SORCS2: variants seen among roughly 807,000 people sequenced by gnomAD.
SORCS2 encodes the protein VPS10 domain-containing receptor SorCS2.
SORCS2 carries 100 observed loss-of-function variants against 141.6 expected under a neutral mutation model. The observed-to-expected ratio is 0.71, with a 90% CI of 0.60 to 0.83. SORCS2 has a LOEUF of 0.83. SORCS2 is among the 40% of genes least tolerant of loss of function. The probability of loss-of-function intolerance (pLI) is 0.00; values close to 1 mark genes in which losing one functional copy is unlikely to be tolerated. For missense variants in SORCS2, 1,646 were observed against 1,560.2 expected (o/e 1.05, Z -0.93); for synonymous variants, 789 against 676.9 (o/e 1.17, Z -2.57).
chr4:7,590,862 GGTT>G (rs1716870993), intron 3 of SORCS2, among the ~76,000 whole-genome samples: 2 of 152,226 alleles, frequency 1.3e-5, no homozygotes, highest in African/African-American at 4.8e-5. Flanking sequence ...AGACCACTGA[GGTT>G]GTGGTTATTT....
At chr4:7,616,488 C>G (rs978261491) in intron 3 of SORCS2, among the ~76,000 whole-genome samples, 1 of 152,126 alleles carries the variant, frequency 6.6e-6, no homozygotes, top group Non-Finnish European at 1.5e-5. Context: ...CCTGAGCTAC[C>G]CTTCATCCAA....
chr4:7,464,484 C>G (rs900562275), intron 2 of SORCS2, among the ~76,000 whole-genome samples: 1 of 152,132 alleles, frequency 6.6e-6, no homozygotes, highest in African/African-American at 2.4e-5. Context: ...GCCTGGAATG[C>G]CACACTAACT....
At chr4:7,523,964 C>G (rs1013580608) in intron 2 of SORCS2, among the ~76,000 whole-genome samples, 2 of 152,236 alleles carry the variant, frequency 1.3e-5, no homozygotes, top group Non-Finnish European at 2.9e-5. Flanking sequence ...AGCTGCCTGT[C>G]TCCATTTCTT....
intron 2 of SORCS2, among the ~76,000 whole-genome samples, chr4:7,462,677 G>T (rs543206436): frequency 1.3e-5 from 2 of 151,832 alleles, no homozygotes; most frequent in Non-Finnish European, 2.9e-5. Context: ...GGCGACCTCA[G>T]TCCCTGGCTC....
chr4:7,666,057 G>A (rs1249632485), intron 7 of SORCS2, among the ~76,000 whole-genome samples: 28 of 152,124 alleles, frequency 1.8e-4, no homozygotes, highest in Non-Finnish European at 5.9e-5. Context: ...AGGGATGTGA[G>A]GAGGTGAGGT....
intron 1 of SORCS2, among the ~76,000 whole-genome samples, chr4:7,344,452 C>T (rs1720537225): frequency 1.3e-5 from 2 of 152,274 alleles, no homozygotes. Context: ...AGTCTATGTG[C>T]TGTTACCTTG....
At chr4:7,437,574 G>T (rs1577563106) in intron 2 of SORCS2, among the ~76,000 whole-genome samples, 1 of 152,136 alleles carries the variant, frequency 6.6e-6, no homozygotes, top group Non-Finnish European at 1.5e-5. Flanking sequence ...GCCATCTAGG[G>T]ACCCCACTGT....
intron 1 of SORCS2, among the ~76,000 whole-genome samples, chr4:7,285,503 C>T (rs1716155736): frequency 6.6e-6 from 1 of 152,254 alleles, no homozygotes; most frequent in African/African-American, 2.4e-5. Context: ...GCACGGAGCG[C>T]CTGGCTGCAG....
At chr4:7,343,108 G>A (rs938764785) in intron 1 of SORCS2, among the ~76,000 whole-genome samples, 1 of 152,178 alleles carries the variant, frequency 6.6e-6, no homozygotes, top group African/African-American at 2.4e-5. Flanking sequence ...GTGTTCTTCC[G>A]GGCACGGCAA....
At chr4:7,326,995 C>G (rs11729667) in intron 1 of SORCS2, among the ~76,000 whole-genome samples, 12,373 of 152,284 alleles carry the variant, frequency 0.081, 814 homozygotes, top group African/African-American at 0.17. Flanking sequence ...GGCCTCCACC[C>G]CTGCCCACAG....
intron 2 of SORCS2, among the ~76,000 whole-genome samples, chr4:7,519,857 G>C (rs892436912): frequency 6.6e-6 from 1 of 152,232 alleles, no homozygotes; most frequent in African/African-American, 2.4e-5. Flanking sequence ...CTGCATTTCA[G>C]TGGTCTCTGT....
intron 3 of SORCS2, among the ~76,000 whole-genome samples, chr4:7,590,491 G>A (rs1434001763): frequency 6.6e-6 from 1 of 152,236 alleles, no homozygotes; most frequent in Non-Finnish European, 1.5e-5. Context: ...AGTCTAGAGA[G>A]TGGACTTCTC....
chr4:7,493,064 G>T (rs925574412), intron 2 of SORCS2, among the ~76,000 whole-genome samples: 12 of 152,246 alleles, frequency 7.9e-5, no homozygotes, highest in African/African-American at 2.7e-4. Flanking sequence ...CTTCCATCTG[G>T]GGTGTGGCCA....
At chr4:7,362,136 CA>C (rs1653141972) in intron 1 of SORCS2, among the ~76,000 whole-genome samples, 1 of 152,082 alleles carries the variant, frequency 6.6e-6, no homozygotes. Context: ...ACAGCCTGTG[CA>C]AAGGCAGGGG....
At chr4:7,442,829 T>C (rs1284682809) in intron 2 of SORCS2, among the ~76,000 whole-genome samples, 1 of 151,562 alleles carries the variant, frequency 6.6e-6, no homozygotes, top group Non-Finnish European at 1.5e-5. Flanking sequence ...ACAGACGGGG[T>C]GGCCGAAAAC....
intron 1 of SORCS2, among the ~76,000 whole-genome samples, chr4:7,285,086 G>A (rs1716121939): frequency 6.6e-6 from 1 of 150,976 alleles, no homozygotes. Context: ...AGACTCGAGT[G>A]CAGTGGCATG....
chr4:7,434,144 C>A, intron 2 of SORCS2: 1 of 1,613,874 alleles, frequency 6.2e-7, no homozygotes, highest in South Asian at 1.1e-5. Flanking sequence ...CTGCAGAGCT[C>A]CTGCGGGGGG....
chr4:7,349,374 C>T (rs1235797672), intron 1 of SORCS2, among the ~76,000 whole-genome samples: 1 of 152,154 alleles, frequency 6.6e-6, no homozygotes, highest in Non-Finnish European at 1.5e-5. Context: ...GTGGGGTCTT[C>T]TGCGGGCTGC....
chr4:7,647,214 C>G (rs532387042), intron 4 of SORCS2, among the ~76,000 whole-genome samples: 2 of 152,248 alleles, frequency 1.3e-5, no homozygotes, highest in African/African-American at 4.8e-5. Flanking sequence ...GTGGGGTTAG[C>G]CAGGGTTTAG....
Sources: gnomAD v4.1 joint callset for allele counts (sites outside exome capture counted in the v4.1 genomes callset) on GRCh38, gnomAD v4.1.1 for gene constraint, MANE v1.5 for transcripts, NCBI Gene and HGNC (gene_info 2026-07-23, HGNC 2026-07-21) for gene names.